Variants in TUB observed in about 807,000 individuals in gnomAD.
The protein encoded by TUB is tubby protein homolog.
Under a neutral mutation model 59.7 loss-of-function variants are expected in TUB, and 33 were observed. The observed-to-expected ratio is 0.55, with a 90% CI of 0.42 to 0.74. The LOEUF is 0.74. Among genes scored for constraint, TUB ranks in the 30% least tolerant of loss-of-function variants. The pLI, the probability that TUB is intolerant of heterozygous loss-of-function variation, is 0.00. For synonymous variants in TUB, 293 were observed against 256.4 expected (o/e 1.14, Z -1.36); for missense variants, 659 against 672.0 (o/e 0.98, Z 0.21).
At chr11:8,032,024 C>G (rs1942579749) in intron 1 of TUB, among the ~76,000 whole-genome samples, 1 of 152,204 alleles carries the variant, frequency 6.6e-6, no homozygotes, top group Non-Finnish European at 1.5e-5. Flanking sequence ...GGGGCAGCAG[C>G]TGGACAGAGA....
At chr11:8,025,210 AAGC>A (rs1942484642) in intron 1 of TUB, among the ~76,000 whole-genome samples, 1 of 152,208 alleles carries the variant, frequency 6.6e-6, no homozygotes, top group South Asian at 2.1e-4. Flanking sequence ...AAAGCAGAAA[AAGC>A]AGAGTCTGGA....
chr11:8,021,233 T>C (rs1180216463), intron 1 of TUB, among the ~76,000 whole-genome samples: 1 of 152,008 alleles, frequency 6.6e-6, no homozygotes, highest in Admixed American at 6.6e-5. Flanking sequence ...GAAGCTGAGG[T>C]GGGCAGATCA....
At chr11:8,039,611 G>A (rs1352696034) in intron 1 of TUB, 1 of 1,466,376 alleles carries the variant, frequency 6.8e-7, no homozygotes, top group Non-Finnish European at 9.1e-7. Flanking sequence ...AGGCTGCAAG[G>A]ATGTGGAGAG....
At chr11:8,077,089 G>T (rs749561841), upstream of TUB, 1 of 152,146 alleles carries the variant, frequency 6.6e-6, no homozygotes, top group Non-Finnish European at 1.5e-5. Context: ...TTTTAGGGCT[G>T]GCTCATCTTT....
intron 8 of TUB, 68 bp downstream of exon 8, chr11:8,097,894 G>C: frequency 4.9e-6 from 6 of 1,232,820 alleles, no homozygotes; most frequent in Non-Finnish European, 7.1e-6. Flanking sequence ...GTCTGTAGAG[G>C]GCCTGAATCT....
intron 1 of TUB, chr11:8,039,642 C>A: frequency 6.7e-7 from 1 of 1,503,534 alleles, no homozygotes; most frequent in South Asian, 1.4e-5. Flanking sequence ...TTTTCCTCCT[C>A]AGGAGAACAA....
At chr11:8,045,876 A>G (rs979919770) in intron 2 of TUB, among the ~76,000 whole-genome samples, 3 of 152,136 alleles carry the variant, frequency 2.0e-5, no homozygotes, top group Non-Finnish European at 4.4e-5. Context: ...TGTTCTGTGT[A>G]TTAGGAGGTC....
At position 8,101,777 on chromosome 11, in the gene TUB, C is replaced by G; in HGVS notation, c.*158C>G. The G allele has an allele frequency of 7.6e-7, 1 of 1,311,828 alleles. No homozygotes were observed. 81.3% of individuals were successfully genotyped at this position (1,311,828 alleles called of 1,614,324 possible). A position where few individuals can be genotyped will look rare whatever the true frequency, so the allele number is the denominator to read the frequency against. On this transcript the variant is annotated 3_prime_UTR_variant, in exon 12 of 12. Coordinates refer to ENST00000299506, the MANE Select transcript of TUB (RefSeq NM_177972.3). ...GGCCCAGCCAGCCAGGAACTGGCTCCTTTGCCTCTGCTACTGAGGCAGGGG... is the reference window on the plus strand; with the variant it reads ...GGCCCAGCCAGCCAGGAACTGGCTCGTTTGCCTCTGCTACTGAGGCAGGGG...
In TUB at chr11:8,092,697, G is replaced by C. The variant is rs77143381; in HGVS notation, c.254-1349G>C. On this transcript the variant is annotated intron_variant, in intron 3 of 11. Transcript: ENST00000299506. ...GGAGGTGCCTACTGCTTCTCTAGGG[G>C]CCCAGTCTTTGTCCAGGTTCAAATG... Among the ~76,000 whole-genome samples, 1,044 of 152,270 alleles carry C rather than the reference G, an allele frequency of 6.9e-3. 9 individuals are homozygous for C. Among genetic ancestry groups the C allele is most frequent in the African/African-American group, 0.024 (1,006 of 41,550 alleles).
chr11:8,066,684 C>CTA (rs1352195122), intron 2 of TUB, among the ~76,000 whole-genome samples: 4 of 152,186 alleles, frequency 2.6e-5, no homozygotes, highest in African/African-American at 9.7e-5. Flanking sequence ...TGGGGCAAGC[C>CTA]TAGCCTGTCT....
chr11:8,070,428 T>C (rs1360376989), intron 2 of TUB, among the ~76,000 whole-genome samples: 3 of 140,730 alleles, frequency 2.1e-5, no homozygotes, highest in Non-Finnish European at 5.0e-5. Context: ...TTGCAAATGA[T>C]AATTTTTTTA....
intron 2 of TUB, 122 bp from the exon 3 acceptor site, chr11:8,089,947 C>G: frequency 7.2e-7 from 1 of 1,387,488 alleles, no homozygotes; most frequent in Non-Finnish European, 9.6e-7. Flanking sequence ...TCCTGGACCC[C>G]AAGTGTTGGG....
At chr11:8,086,091 C>T (rs546242059) in intron 1 of TUB, among the ~76,000 whole-genome samples, 1 of 152,276 alleles carries the variant, frequency 6.6e-6, no homozygotes, top group South Asian at 2.1e-4. Context: ...AGGAGGTGCC[C>T]GTGATGTAGG....
At chr11:8,050,951 AG>A (rs1454413738) in intron 2 of TUB, among the ~76,000 whole-genome samples, 3 of 152,244 alleles carry the variant, frequency 2.0e-5, no homozygotes, top group Non-Finnish European at 4.4e-5. Flanking sequence ...ATTAAAACAG[AG>A]GAAAAGCTTA....
At chr11:8,034,742 A>C (rs1397478060), upstream of TUB, among the ~76,000 whole-genome samples, 1 of 151,158 alleles carries the variant, frequency 6.6e-6, no homozygotes, top group Non-Finnish European at 1.5e-5. Flanking sequence ...TTCCCTGCCC[A>C]CCCCCTCCAT....
intron 2 of TUB, among the ~76,000 whole-genome samples, chr11:8,069,648 G>A (rs183162104): frequency 2.6e-5 from 4 of 152,022 alleles, no homozygotes; most frequent in African/African-American, 9.6e-5. Context: ...AGCCGTCATC[G>A]GAAATGTCTT....
intron 1 of TUB, among the ~76,000 whole-genome samples, chr11:8,088,631 G>T (rs1298288083): frequency 6.6e-6 from 1 of 152,194 alleles, no homozygotes; most frequent in Non-Finnish European, 1.5e-5. Flanking sequence ...GGGCCGCCTG[G>T]GGCTTCCCCA....
chr11:8,024,438 G>A (rs1315976558), intron 1 of TUB, among the ~76,000 whole-genome samples: 1 of 151,706 alleles, frequency 6.6e-6, no homozygotes, highest in African/African-American at 2.4e-5. Context: ...CAAACCTTCC[G>A]CACTCTCAAG....
At chr11:8,093,190 C>T (rs1381606054) in intron 3 of TUB, among the ~76,000 whole-genome samples, 1 of 151,732 alleles carries the variant, frequency 6.6e-6, no homozygotes, top group African/African-American at 2.4e-5. Context: ...CAGCGTCCCT[C>T]GGGAGGTGAC....
Sources: allele counts gnomAD v4.1 joint callset (sites outside exome capture counted in the v4.1 genomes callset), GRCh38; gene constraint gnomAD v4.1.1; transcripts MANE v1.5; gene names NCBI Gene and HGNC (gene_info 2026-07-23, HGNC 2026-07-21).